PLCL2: variants seen among roughly 807,000 people sequenced by gnomAD.
PLCL2 encodes the protein phospholipase C like 2.
PLCL2 carries 4 observed loss-of-function variants against 79.6 expected under a neutral mutation model. The observed-to-expected ratio is 0.05, with a 90% CI of 0.02 to 0.11. PLCL2 has a LOEUF of 0.11. Among genes scored for constraint, PLCL2 ranks in the 10% least tolerant of loss-of-function variants. The pLI, the probability that PLCL2 is intolerant of heterozygous loss-of-function variation, is 1.00. For missense variants in PLCL2, 895 were observed against 1,291.0 expected (o/e 0.69, Z 4.70); for synonymous variants, 484 against 457.7 (o/e 1.06, Z -0.73).
intron 1 of PLCL2, among the ~76,000 whole-genome samples, chr3:16,889,433 G>A (rs1275163397): frequency 6.6e-6 from 1 of 152,196 alleles, no homozygotes; most frequent in Non-Finnish European, 1.5e-5. Flanking sequence ...TTCTGCTGGT[G>A]GAAGAAGTTG....
chr3:16,895,141 G>T (rs949868896), intron 1 of PLCL2, among the ~76,000 whole-genome samples: 1 of 151,712 alleles, frequency 6.6e-6, no homozygotes, highest in East Asian at 1.9e-4. Context: ...TATCTATATC[G>T]ATATAGATAT....
intron 1 of PLCL2, among the ~76,000 whole-genome samples, chr3:16,909,845 T>C (rs1575523649): frequency 6.6e-6 from 1 of 152,238 alleles, no homozygotes; most frequent in South Asian, 2.1e-4. Flanking sequence ...CTTCCTACGT[T>C]AAAGGCTCTT....
chr3:17,042,640 T>TTGA, intron 3 of PLCL2: 1 of 427,832 alleles, frequency 2.3e-6, no homozygotes, highest in Non-Finnish European at 4.3e-6. Context: ...AGTGTTGTAC[T>TTGA]AGCCTCACTG....
intron 1 of PLCL2, among the ~76,000 whole-genome samples, chr3:16,940,403 C>T (rs574374554): frequency 3.9e-5 from 6 of 152,246 alleles, no homozygotes; most frequent in East Asian, 1.9e-4. Flanking sequence ...TGTAATCTTG[C>T]GTTTGCTTTT....
chr3:17,049,059 C>G (rs2064812445), intron 4 of PLCL2, among the ~76,000 whole-genome samples: 1 of 151,810 alleles, frequency 6.6e-6, no homozygotes, highest in African/African-American at 2.4e-5. Context: ...ATTTTTGCAG[C>G]CATACCAGCA....
Position 17,020,552 on chromosome 3 carries a change from A to ATT in PLCL2, c.3018+5649_3018+5650dup, listed in dbSNP as rs34158614. On this transcript the variant is annotated intron_variant, in intron 3 of 5. Transcript: ENST00000615277. ...CCCTTTGAAATTAATTTTTTCAGTC[A>ATT]TTTTTTTTTGCAACTTCACAAAAGT... Among the ~76,000 whole-genome samples the ATT allele has an allele frequency of 1.7e-4, 26 of 150,574 alleles. No homozygotes were observed. The South Asian group carries it at 2.1e-3, about 12-fold the overall frequency.
At chr3:16,941,865 C>T (rs968382421) in intron 1 of PLCL2, among the ~76,000 whole-genome samples, 1 of 143,904 alleles carries the variant, frequency 6.9e-6, no homozygotes, top group African/African-American at 2.6e-5. Context: ...TTCAAGGGCA[C>T]AGTAAAAAAA....
intron 1 of PLCL2, among the ~76,000 whole-genome samples, chr3:16,936,385 C>T (rs1697539528): frequency 6.6e-6 from 1 of 152,116 alleles, no homozygotes; most frequent in South Asian, 2.1e-4. Context: ...CTTATCGAAG[C>T]CCTGGTTCCC....
chr3:16,939,769 G>A (rs1369935850), intron 1 of PLCL2, among the ~76,000 whole-genome samples: 2 of 152,060 alleles, frequency 1.3e-5, no homozygotes, highest in Non-Finnish European at 2.9e-5. Flanking sequence ...GCTTTTATTC[G>A]GGAGATCCTT....
intron 5 of PLCL2, among the ~76,000 whole-genome samples, chr3:17,073,800 C>G (rs755460809): frequency 2.6e-5 from 4 of 152,232 alleles, no homozygotes; most frequent in Non-Finnish European, 5.9e-5. Flanking sequence ...ACTCCTCATG[C>G]ATTACAGTTT....
intron 5 of PLCL2, among the ~76,000 whole-genome samples, chr3:17,086,546 A>T (rs909131227): frequency 2.0e-5 from 3 of 152,192 alleles, no homozygotes; most frequent in African/African-American, 4.8e-5. Flanking sequence ...CAGATACACC[A>T]CCATAGACAA....
chr3:16,946,297 G>A (rs1356877358), intron 1 of PLCL2, among the ~76,000 whole-genome samples: 1 of 151,998 alleles, frequency 6.6e-6, no homozygotes, highest in Admixed American at 6.6e-5. Flanking sequence ...CCTAGCGGAC[G>A]CTTCGGAATT....
chr3:17,029,036 G>A (rs1030315595), intron 3 of PLCL2, among the ~76,000 whole-genome samples: 1 of 152,128 alleles, frequency 6.6e-6, no homozygotes, highest in South Asian at 2.1e-4. Context: ...CGGGGAAGGG[G>A]GCGCAGAGGG....
In PLCL2 at chr3:16,973,298, T is replaced by A. The variant is rs575789543; in HGVS notation, c.328-36376T>A. ...TGGAATTTCTTTTATTTAGGAATGC[T>A]GAATATAGGCCCACAATCTCTTCTG... is the stretch of plus-strand genomic sequence containing the variant. On this transcript the variant is annotated intron_variant, in intron 1 of 5. Transcript: ENST00000615277. 7.9e-5 allele frequency among the ~76,000 whole-genome samples: 12 copies of A among 152,258 alleles called. No individual in the cohort carries two copies. In the South Asian group the frequency reaches 2.5e-3, roughly 32 times the overall value.
intron 1 of PLCL2, among the ~76,000 whole-genome samples, chr3:16,928,001 C>A (rs978170341): frequency 6.6e-6 from 1 of 152,220 alleles, no homozygotes; most frequent in Non-Finnish European, 1.5e-5. Context: ...ATGGAACATA[C>A]TCCCATTCCT....
intron 1 of PLCL2, among the ~76,000 whole-genome samples, chr3:16,892,487 C>T (rs1696373280): frequency 1.3e-5 from 2 of 152,168 alleles, no homozygotes; most frequent in Admixed American, 6.5e-5. Context: ...AGTTTTTGCT[C>T]AGTTGTTGTT....
intron 3 of PLCL2, among the ~76,000 whole-genome samples, chr3:17,027,356 G>A (rs926103581): frequency 2.0e-5 from 3 of 152,096 alleles, no homozygotes; most frequent in Non-Finnish European, 4.4e-5. Context: ...TTCAAATTTT[G>A]CTCTCCATAA....
At chr3:16,997,776 G>A (rs983517786) in intron 1 of PLCL2, among the ~76,000 whole-genome samples, 2 of 151,982 alleles carry the variant, frequency 1.3e-5, no homozygotes, top group East Asian at 3.9e-4. Flanking sequence ...CTGACCTCAT[G>A]ATCCACCTGC....
chr3:16,972,416 T>G (rs2063880666), intron 1 of PLCL2, among the ~76,000 whole-genome samples: 1 of 152,144 alleles, frequency 6.6e-6, no homozygotes, highest in Non-Finnish European at 1.5e-5. Flanking sequence ...GGCTGATTTT[T>G]GTTGTGTGGT....
Sources: gnomAD v4.1 joint callset for allele counts (sites outside exome capture counted in the v4.1 genomes callset) on GRCh38, gnomAD v4.1.1 for gene constraint, MANE v1.5 for transcripts, NCBI Gene and HGNC (gene_info 2026-07-23, HGNC 2026-07-21) for gene names.